The following DDX60 variants were observed in gnomAD, a reference collection of about 807,000 sequenced individuals.
DDX60 encodes DExD/H-box helicase 60, also known as probable ATP-dependent RNA helicase DDX60.
A neutral mutation model predicts 212.8 loss-of-function variants in DDX60; 165 were observed. The ratio of observed to expected loss-of-function variants is 0.78; its 90% CI spans 0.68 to 0.88. The LOEUF (loss-of-function observed/expected upper bound fraction) is 0.88. Ranked by LOEUF, DDX60 falls within the 40% of genes least tolerant of loss-of-function variation. DDX60 has a pLI of 0.00. For missense variants in DDX60, 1,905 were observed against 2,003.9 expected (o/e 0.95, Z 0.94); for synonymous variants, 703 against 685.3 (o/e 1.03, Z -0.40).
intron 5 of DDX60, 146 bp downstream of exon 5, chr4:168,306,227 GCATTAT>G: frequency 1.8e-6 from 1 of 542,960 alleles, no homozygotes; most frequent in Admixed American, 3.4e-5. Context: ...GACTGCATTT[GCATTAT>G]CATTATTTAC....
chr4:168,283,211 T>C (rs1735670561), intron 13 of DDX60, among the ~76,000 whole-genome samples: 1 of 152,164 alleles, frequency 6.6e-6, no homozygotes, highest in South Asian at 2.1e-4. Context: ...GTCACTTAAT[T>C]ATTCTTCAAA....
Position 168,294,918 on chromosome 4 carries a change from A to G in DDX60, c.724-973T>C, listed in dbSNP as rs117309253. 1.3e-3 allele frequency among the ~76,000 whole-genome samples: 205 copies of G among 152,322 alleles called. 6 individuals are homozygous for G. In the East Asian group the frequency reaches 0.038, roughly 28 times the overall value. On this transcript the variant is annotated intron_variant, in intron 6 of 37. Transcript: ENST00000393743. ...ACAAACGACCTGGACAGTCATTACT[A>G]AAAACACACAAACAAACAAAAAACC...
At chr4:168,249,668 C>T (rs1156761222) in intron 28 of DDX60, among the ~76,000 whole-genome samples, 1 of 152,092 alleles carries the variant, frequency 6.6e-6, no homozygotes, top group Non-Finnish European at 1.5e-5. Flanking sequence ...ACACAGAATA[C>T]CCTGATCAAA....
At position 168,221,894 on chromosome 4, in the gene DDX60, G is replaced by A. The variant is rs779218815; in HGVS notation, c.4825-13C>T. The A allele has an allele frequency of 5.0e-6, 8 of 1,602,832 alleles. No individual in the cohort carries two copies. The highest frequency in any genetic ancestry group is 2.2e-5 in the East Asian group (1 of 44,462). ...TGCCTAGAGTAACCTGAAAAAATAC[G>A]ATTATTCTTAATGTATTATTTATGT... On this transcript the variant is annotated splice_polypyrimidine_tract_variant and intron_variant, in intron 35 of 37. Transcript: ENST00000393743.
chr4:168,246,757 C>T, intron 29 of DDX60, 139 bp from the exon 30 acceptor site: 2 of 841,774 alleles, frequency 2.4e-6, no homozygotes, highest in Non-Finnish European at 3.7e-6. Context: ...CACTAACATG[C>T]AACTACATAG....
At position 168,267,679 on chromosome 4, in the gene DDX60, T is replaced by A. The variant is rs1484310632; in HGVS notation, c.2942A>T (p.Glu981Val). The A allele has an allele frequency of 6.3e-7, 1 of 1,591,530 alleles. No homozygotes were observed. The highest frequency in any genetic ancestry group is 1.2e-5 in the South Asian group (1 of 85,596). ...SYKVRLVLYGERYNDLEKHVC... is the reference protein window; with the variant it reads ...SYKVRLVLYGVRYNDLEKHVC... The stretch of plus-strand genomic sequence containing the variant: ...ATGCTTCTCTAGATCATTATACCTC[T>A]CTCCATAGAGCACTAAAAATGAAGA... The change falls in exon 22 of 38, where the codon GAG (glutamate) becomes GTG (valine). Residue 981 changes from glutamate (E) to valine (V), a missense_variant. Glu to Val is a moderately radical substitution (Grantham distance 121). Coordinates refer to ENST00000393743, the MANE Select transcript of DDX60 (RefSeq NM_017631.6).
Position 168,221,775 on chromosome 4 carries a change from T to G in DDX60, c.4931A>C (p.Asp1644Ala). 1.2e-6 allele frequency: 2 copies of G among 1,613,164 alleles called. No individual in the cohort carries two copies. Among genetic ancestry groups the G allele is most frequent in the Non-Finnish European group, 1.7e-6 (2 of 1,179,422 alleles). Residue 1644 changes from aspartate (D) to alanine (A), a missense_variant, in exon 36 of 38, where the codon GAT (aspartate) becomes GCT (alanine). By Grantham distance (126) the Asp-to-Ala change is moderately radical. Coordinates refer to ENST00000393743, the MANE Select transcript of DDX60 (RefSeq NM_017631.6). ...RKMSLNAYAL[D>A]FYKHGSLIGL... ...TATCAAGGAACCATGTTTGTAGAAA[T>G]CCAGTGCATAGGCATTAAGCGACAT... is the stretch of plus-strand genomic sequence containing the variant.
intron 33 of DDX60, among the ~76,000 whole-genome samples, chr4:168,233,504 T>C (rs776953331): frequency 1.3e-5 from 2 of 152,186 alleles, no homozygotes; most frequent in Non-Finnish European, 1.5e-5. Context: ...GTGGTACATA[T>C]GTATTATGGA....
chr4:168,305,858 T>G (rs1303962020), intron 5 of DDX60, among the ~76,000 whole-genome samples: 1 of 152,112 alleles, frequency 6.6e-6, no homozygotes, highest in Non-Finnish European at 1.5e-5. Context: ...ATTGACCTTC[T>G]CCATTGTTTT....
chr4:168,289,714 A>G (rs373383350), intron 8 of DDX60, among the ~76,000 whole-genome samples: 1 of 152,180 alleles, frequency 6.6e-6, no homozygotes, highest in Non-Finnish European at 1.5e-5. Context: ...CCTTCATACA[A>G]TGACGGCATC....
rs1274366356 is a variant in DDX60 at position 168,255,696 on chromosome 4, T to C, written c.3557+15A>G. 3.2e-6 allele frequency: 5 copies of C among 1,567,398 alleles called. No individual in the cohort carries two copies. Among genetic ancestry groups the C allele is most frequent in the Non-Finnish European group, 4.3e-6 (5 of 1,164,646 alleles). On this transcript the variant is annotated intron_variant, in intron 26 of 37. Coordinates refer to ENST00000393743, the MANE Select transcript of DDX60 (RefSeq NM_017631.6). ...TTAACCCTCTACTTATCAATTTGTT[T>C]AGTTAACTACTTACATGATCTTTTG...
At chr4:168,303,781 A>C (rs2149547570) in intron 5 of DDX60, among the ~76,000 whole-genome samples, 1 of 152,314 alleles carries the variant, frequency 6.6e-6, no homozygotes, top group South Asian at 2.1e-4. Context: ...CAGGAGTTCG[A>C]GACCAGACTG....
At chr4:168,256,113 G>T (rs987802190) in intron 25 of DDX60, among the ~76,000 whole-genome samples, 1 of 16,104 alleles carries the variant, frequency 6.2e-5, no homozygotes, top group African/African-American at 2.3e-4. Context: ...ACCCCACCCC[G>T]CCACCCAGAC....
At chr4:168,258,450 A>G (rs1004710750) in intron 25 of DDX60, among the ~76,000 whole-genome samples, 8 of 151,622 alleles carry the variant, frequency 5.3e-5, no homozygotes, top group Non-Finnish European at 1.2e-4. Flanking sequence ...TTTTTTTTTA[A>G]GAGATCAGAC....
At chr4:168,248,747 A>G (rs1400727330) in intron 28 of DDX60, among the ~76,000 whole-genome samples, 9 of 150,990 alleles carry the variant, frequency 6.0e-5, no homozygotes, top group Admixed American at 1.3e-4. Flanking sequence ...CTGACAACTG[A>G]TAGGTGTTCA....
At chr4:168,247,750 G>T (rs1462467999) in intron 29 of DDX60, among the ~76,000 whole-genome samples, 6 of 152,182 alleles carry the variant, frequency 3.9e-5, no homozygotes, top group African/African-American at 1.4e-4. Flanking sequence ...AATGAAGTGG[G>T]CTTGGTAACA....
In DDX60 at chr4:168,216,558, T is replaced by G. The variant is rs1028928454; in HGVS notation, c.*375A>C. The G allele has an allele frequency of 6.4e-6, 1 of 156,298 alleles. No individual in the cohort carries two copies. Among genetic ancestry groups the G allele is most frequent in the Non-Finnish European group, 1.4e-5 (1 of 70,934 alleles). 9.7% of individuals were successfully genotyped at this position (156,298 alleles called of 1,614,324 possible). A position where few individuals can be genotyped will look rare whatever the true frequency, so the allele number is the denominator to read the frequency against. On this transcript the variant is annotated 3_prime_UTR_variant, in exon 38 of 38. Coordinates refer to ENST00000393743, the MANE Select transcript of DDX60 (RefSeq NM_017631.6). ...GCCTTAATAAACATTTTATAAATACTGACACTGGGGATAAAGTTACTGATA... is the reference window on the plus strand; with the variant it reads ...GCCTTAATAAACATTTTATAAATACGGACACTGGGGATAAAGTTACTGATA...
At chr4:168,315,857 T>C (rs1737347439) in intron 1 of DDX60, among the ~76,000 whole-genome samples, 1 of 152,212 alleles carries the variant, frequency 6.6e-6, no homozygotes, top group Non-Finnish European at 1.5e-5. Context: ...TCCAAGTCTT[T>C]GCTATTGTAA....
chr4:168,277,795 C>T (rs1294968583), intron 14 of DDX60, among the ~76,000 whole-genome samples: 1 of 131,206 alleles, frequency 7.6e-6, no homozygotes, highest in African/African-American at 3.0e-5. Context: ...AGCGAAAGAG[C>T]GAGACTCCAT....
Sources: gnomAD v4.1 joint callset for allele counts (sites outside exome capture counted in the v4.1 genomes callset) on GRCh38, gnomAD v4.1.1 for gene constraint, MANE v1.5 for transcripts, NCBI Gene and HGNC (gene_info 2026-07-23, HGNC 2026-07-21) for gene names.